LOXHD1: variants seen among roughly 807,000 people sequenced by gnomAD.
LOXHD1 encodes lipoxygenase homology PLAT domains 1.
Under a neutral mutation model 248.2 loss-of-function variants are expected in LOXHD1, and 205 were observed. The ratio of observed to expected loss-of-function variants is 0.83; its 90% confidence interval spans 0.74 to 0.93. The LOEUF is 0.93. Ranked by LOEUF, LOXHD1 falls within the 40% of genes least tolerant of loss-of-function variation. LOXHD1 has a pLI of 0.00. For synonymous variants in LOXHD1, 1,113 were observed against 1,162.8 expected (o/e 0.96, Z 0.87); for missense variants, 2,930 against 2,971.6 (o/e 0.99, Z 0.33).
chr18:46,514,425 C>T (rs1568121661), intron 34 of LOXHD1, among the ~76,000 whole-genome samples: 2 of 152,150 alleles, frequency 1.3e-5, no homozygotes, highest in Non-Finnish European at 2.9e-5. Flanking sequence ...CTCAACCTTC[C>T]CACCCAAGTC....
chr18:46,549,623 G>A (rs2036999082), intron 21 of LOXHD1, among the ~76,000 whole-genome samples: 1 of 152,270 alleles, frequency 6.6e-6, no homozygotes, highest in East Asian at 1.9e-4. Context: ...AACATTCTGG[G>A]ACCTCTAGGA....
At chr18:46,478,452 G>A (rs2032233637) in intron 40 of LOXHD1, among the ~76,000 whole-genome samples, 2 of 152,038 alleles carry the variant, frequency 1.3e-5, no homozygotes, top group Admixed American at 1.3e-4. Flanking sequence ...TCTCCTATTT[G>A]GAAATTATCA....
At chr18:46,644,534 A>T (rs986376839) in intron 2 of LOXHD1, among the ~76,000 whole-genome samples, 1 of 152,180 alleles carries the variant, frequency 6.6e-6, no homozygotes, top group Non-Finnish European at 1.5e-5. Context: ...CCTGGCCAAC[A>T]TAGCAAGAGA....
chr18:46,529,209 C>T lies in LOXHD1; in HGVS notation c.4498G>A (p.Glu1500Lys). 1 of 1,551,646 alleles carries T rather than the reference C, an allele frequency of 6.4e-7. No homozygotes were observed. The highest frequency in any genetic ancestry group is 1.2e-5 in the South Asian group (1 of 84,052). Residue 1500 changes from glutamate to lysine, a missense_variant, in exon 29 of 41, where the codon GAG (glutamate) becomes AAG (lysine). By Grantham distance (56) the Glu-to-Lys change is moderately conservative. Transcript: ENST00000642948. ...DTGERYLGKS[E>K]NRTNKFERGT... Reference sequence around the variant, plus strand: ...CTCTCGAACTTGTTGGTCCGGTTCTCTGACTTGCCAAGGTATCGCTCCCCA... The same window carrying T: ...CTCTCGAACTTGTTGGTCCGGTTCTTTGACTTGCCAAGGTATCGCTCCCCA...
intron 8 of LOXHD1, among the ~76,000 whole-genome samples, chr18:46,600,132 A>G (rs1472599536): frequency 1.3e-5 from 2 of 152,244 alleles, no homozygotes; most frequent in African/African-American, 2.4e-5. Flanking sequence ...TCATGGCAGG[A>G]TTGCTCATAG....
chr18:46,601,262 G>A lies in LOXHD1; in HGVS notation c.1089C>T (p.Val363=), dbSNP rs578169078. The A allele has an allele frequency of 8.4e-6, 13 of 1,551,700 alleles. No individual in the cohort carries two copies. The highest frequency in any genetic ancestry group is 1.4e-5 in the African/African-American group (1 of 73,152). Residue 363 remains valine (V), a synonymous_variant, in exon 8 of 41, where the codon GTC becomes GTT. Transcript: ENST00000642948. Reference sequence around the variant, plus strand: ...TGTTGACACCCACATTGCCATGCCCGACGGAGACCCGACTCAGGGGGCTAA... The same window carrying A: ...TGTTGACACCCACATTGCCATGCCCAACGGAGACCCGACTCAGGGGGCTAA... ...VLLSPLSRVS[V]GHGNVGVNRG...
intron 21 of LOXHD1, among the ~76,000 whole-genome samples, chr18:46,551,998 T>C (rs184538722): frequency 6.6e-6 from 1 of 152,176 alleles, no homozygotes; most frequent in Admixed American, 6.5e-5. Context: ...GTCCCTAGAG[T>C]ACTCAAAGTC....
rs762855882 is a variant in LOXHD1 at position 46,601,543 on chromosome 18, T to A, written c.884-76A>T. 99 of 1,541,152 alleles carry A rather than the reference T, an allele frequency of 6.4e-5. 1 individual carries two copies. The Middle Eastern group carries it at 1.8e-3, about 29-fold the overall frequency. On this transcript the variant is annotated intron_variant, in intron 7 of 40. Transcript: ENST00000642948. ...ATATCCCACCCCCTCCTCCCCTTCC[T>A]GGTTACAACACCCCCAAAGCCCTCC...
chr18:46,569,658 G>A lies in LOXHD1; in HGVS notation c.2048-20C>T. 1.3e-6 allele frequency: 2 copies of A among 1,539,934 alleles called. No homozygotes were observed. ...GAAAGTCTGAACAGCCCAAGGCAGA[G>A]GGAGGAAGGGAAGGGGTTAGTGCAG... On this transcript the variant is annotated intron_variant, in intron 15 of 40. Transcript: ENST00000642948.
At chr18:46,491,354 A>C (rs2033460128) in intron 37 of LOXHD1, among the ~76,000 whole-genome samples, 1 of 152,208 alleles carries the variant, frequency 6.6e-6, no homozygotes, top group South Asian at 2.1e-4. Flanking sequence ...TTGTTAAACT[A>C]TAGGTTACTG....
intron 22 of LOXHD1, 119 bp downstream of exon 22, chr18:46,546,775 AC>A (rs2036859366): frequency 1.7e-6 from 2 of 1,146,618 alleles, no homozygotes; most frequent in South Asian, 1.6e-5. Flanking sequence ...AATACAATAG[AC>A]TGTCAAGGGA....
At chr18:46,507,335 G>T (rs2034635058) in intron 36 of LOXHD1, among the ~76,000 whole-genome samples, 2 of 152,226 alleles carry the variant, frequency 1.3e-5, no homozygotes, top group Non-Finnish European at 2.9e-5. Flanking sequence ...ATTTCCCCAA[G>T]GGAGGAGGGA....
At position 46,507,679 on chromosome 18, in the gene LOXHD1, T is replaced by C. The variant is rs2034665747; in HGVS notation, c.5551A>G (p.Thr1851Ala). The C allele has an allele frequency of 6.4e-7, 1 of 1,551,552 alleles. No homozygotes were observed. Among genetic ancestry groups the C allele is most frequent in the East Asian group, 2.4e-5 (1 of 40,922 alleles). Reference protein sequence around the residue: ...LLKNMNTGDLTMFYYGDWLSQ... With the variant: ...LLKNMNTGDLAMFYYGDWLSQ... ...AGCCAGTCTCCATAGTAGAACATGG[T>C]CAGGTCTCCAGTGTTCATGTTCTTC... Residue 1851 changes from threonine to alanine, a missense_variant, in exon 36 of 41, where the codon ACC becomes GCC. Thr to Ala is a moderately conservative substitution (Grantham distance 58). Transcript: ENST00000642948.
rs1302912315 is a variant in LOXHD1, at chr18:46,593,611, C to T, written c.1420G>A (p.Glu474Lys). Residue 474 changes from glutamate to lysine, a missense_variant, in exon 10 of 41, where the codon GAG becomes AAG. Transcript: ENST00000642948. The part of the protein sequence containing the change: ...NNKWFKPGII[E>K]KFRIELPDLG... ...CAATCCTCTCCTACCCTAAACTTCT[C>T]GATTATGCCGGGTTTGAACCACTTG... 6.4e-6 allele frequency: 10 copies of T among 1,552,184 alleles called. No individual in the cohort carries two copies. Among genetic ancestry groups the T allele is most frequent in the Admixed American group, 5.9e-5 (3 of 50,982 alleles).
At chr18:46,513,018 C>T (rs1319579220) in intron 34 of LOXHD1, among the ~76,000 whole-genome samples, 1 of 152,006 alleles carries the variant, frequency 6.6e-6, no homozygotes, top group African/African-American at 2.4e-5. Flanking sequence ...GGTATGAAAT[C>T]CAGGTGATAT....
intron 18 of LOXHD1, 50 bp from the exon 19 acceptor site, chr18:46,560,595 A>G: frequency 6.9e-7 from 1 of 1,449,024 alleles, no homozygotes; most frequent in South Asian, 1.4e-5. Flanking sequence ...GTCCTCCCCA[A>G]CGCCCCCAAC....
chr18:46,537,181 T>C (rs1260925523), intron 26 of LOXHD1, among the ~76,000 whole-genome samples: 5 of 152,166 alleles, frequency 3.3e-5, no homozygotes, highest in Admixed American at 6.5e-5. Context: ...ACAGTGATAG[T>C]AAGCTCAGTC....
At chr18:46,530,935 G>C (rs1045473163) in intron 28 of LOXHD1, among the ~76,000 whole-genome samples, 6 of 152,020 alleles carry the variant, frequency 3.9e-5, no homozygotes, top group African/African-American at 1.5e-4. Flanking sequence ...CTGAGTCTTT[G>C]CCTCCAACCC....
intron 38 of LOXHD1, 120 bp from the exon 39 acceptor site, chr18:46,485,271 G>T (rs563628298): frequency 3.5e-6 from 4 of 1,134,856 alleles, no homozygotes; most frequent in Non-Finnish European, 4.9e-6. Flanking sequence ...GCCTGGGGGT[G>T]GGGGAGGCAG....
Sources: allele counts gnomAD v4.1 joint callset (sites outside exome capture counted in the v4.1 genomes callset), GRCh38; gene constraint gnomAD v4.1.1; transcripts MANE v1.5; gene names NCBI Gene and HGNC (gene_info 2026-07-23, HGNC 2026-07-21).